Variants in EXT1 observed in about 807,000 individuals in gnomAD.
EXT1 encodes exostosin-1.
A neutral mutation model predicts 82.5 loss-of-function variants in EXT1; 20 were observed. That is an observed-to-expected ratio of 0.24 (90% CI 0.17 to 0.35). EXT1 has a LOEUF of 0.35. Ranked by LOEUF, EXT1 falls within the 10% of genes least tolerant of loss-of-function variation. The pLI, the probability that EXT1 is intolerant of heterozygous loss-of-function variation, is 1.00. For synonymous variants in EXT1, 348 were observed against 350.8 expected, an observed-to-expected ratio of 0.99 and a Z score of 0.09; for missense variants, 757 against 936.5, an observed-to-expected ratio of 0.81 and a Z score of 2.50.
intron 1 of EXT1, among the ~76,000 whole-genome samples, chr8:117,920,186 C>T (rs1398159125): frequency 6.6e-6 from 1 of 152,120 alleles, no homozygotes; most frequent in Non-Finnish European, 1.5e-5. Flanking sequence ...CTCACTGCAA[C>T]CTCCACCTCC....
intron 1 of EXT1, among the ~76,000 whole-genome samples, chr8:118,004,904 T>C (rs1272193712): frequency 6.6e-6 from 1 of 152,194 alleles, no homozygotes; most frequent in Non-Finnish European, 1.5e-5. Flanking sequence ...TTCACAATAA[T>C]ACTGAGAGCT....
At chr8:117,882,796 G>A (rs775490766) in intron 1 of EXT1, among the ~76,000 whole-genome samples, 7 of 151,738 alleles carry the variant, frequency 4.6e-5, no homozygotes, top group South Asian at 2.1e-4. Flanking sequence ...GGCCAACATG[G>A]TGAAACCCTG....
chr8:118,110,140 C>A lies in EXT1; in HGVS notation c.907G>T (p.Asp303Tyr). The change falls in exon 1 of 11, where the codon GAC (aspartate) becomes TAC (tyrosine). Residue 303 changes from aspartate (D) to tyrosine (Y), a missense_variant. This residue lies in a region of EXT1 where 247 missense variants were observed against 330.1 expected (regional missense o/e 0.75). Transcript: ENST00000378204. The stretch of plus-strand genomic sequence containing the variant: ...CGAGAATCCTTGTGCTTTTGCCAGT[C>A]TTTGCCATGCTTGCAGGTGGTGAGG... ...VLLTTCKHGKDWQKHKDSRCD... is the reference protein window; with the variant it reads ...VLLTTCKHGKYWQKHKDSRCD... 6.2e-7 allele frequency: 1 copy of A among 1,614,242 alleles called. No homozygotes were observed. The highest frequency in any genetic ancestry group is 1.1e-5 in the South Asian group (1 of 91,086).
intron 1 of EXT1, among the ~76,000 whole-genome samples, chr8:117,939,245 A>G (rs1274846226): frequency 6.6e-6 from 1 of 152,320 alleles, no homozygotes; most frequent in African/African-American, 2.4e-5. Context: ...CCTCACAGAC[A>G]ACCCTATGAA....
intron 1 of EXT1, among the ~76,000 whole-genome samples, chr8:118,082,198 C>T (rs1360815620): frequency 6.6e-6 from 1 of 152,112 alleles, no homozygotes; most frequent in Non-Finnish European, 1.5e-5. Context: ...GATACTATGC[C>T]AGGCCAAAAA....
chr8:118,075,028 C>T (rs771926070), intron 1 of EXT1, among the ~76,000 whole-genome samples: 3 of 152,170 alleles, frequency 2.0e-5, no homozygotes, highest in Admixed American at 6.5e-5. Context: ...AGTCAACAAG[C>T]GGGTTTTCAG....
intron 1 of EXT1, among the ~76,000 whole-genome samples, chr8:117,962,744 C>T (rs1420424496): frequency 6.7e-6 from 1 of 149,554 alleles, no homozygotes; most frequent in Non-Finnish European, 1.5e-5. Context: ...TGGGGAAAGA[C>T]TCCATCCCCC....
intron 1 of EXT1, among the ~76,000 whole-genome samples, chr8:118,078,798 G>A (rs1210205438): frequency 2.6e-5 from 4 of 151,992 alleles, no homozygotes; most frequent in Admixed American, 6.6e-5. Flanking sequence ...AGAGTGAGAC[G>A]TGCACATATG....
chr8:118,046,788 T>A (rs763580051), intron 1 of EXT1, among the ~76,000 whole-genome samples: 20 of 152,156 alleles, frequency 1.3e-4, no homozygotes, highest in Non-Finnish European at 1.5e-4. Flanking sequence ...AAAGGGGTAG[T>A]CCCTCCTCCA....
chr8:117,886,257 A>G (rs1040060287), intron 1 of EXT1, among the ~76,000 whole-genome samples: 1 of 152,234 alleles, frequency 6.6e-6, no homozygotes, highest in Non-Finnish European at 1.5e-5. Flanking sequence ...CAGGAATTAA[A>G]TCCTCTTTGA....
chr8:117,952,971 T>C (rs1814520310), intron 1 of EXT1, among the ~76,000 whole-genome samples: 1 of 152,208 alleles, frequency 6.6e-6, no homozygotes, highest in Non-Finnish European at 1.5e-5. Context: ...AATAGTAGAG[T>C]TAGAAAGCCA....
intron 1 of EXT1, among the ~76,000 whole-genome samples, chr8:117,925,916 A>G (rs1813944802): frequency 6.6e-6 from 1 of 152,054 alleles, no homozygotes; most frequent in Admixed American, 6.6e-5. Context: ...ATGAACAAAC[A>G]AAAAAACAAG....
chr8:118,034,185 TTC>T lies in EXT1; in HGVS notation c.962+75898_962+75899del, dbSNP rs139950498. ...TGATTCTTCATTTTTAAAGAGGTGA[TTC>T]TCTGTTAACTCTTGATACAGTTGCT... On this transcript the variant is annotated intron_variant, in intron 1 of 10. Coordinates refer to ENST00000378204, the MANE Select transcript of EXT1 (RefSeq NM_000127.3). Among the ~76,000 whole-genome samples, 306 of 152,312 alleles carry T rather than the reference TTC, an allele frequency of 2.0e-3. 5 individuals carry two copies. In the East Asian group the frequency reaches 0.028, roughly 14 times the overall value.
At chr8:117,800,752 T>G (rs1034815982) in intron 10 of EXT1, among the ~76,000 whole-genome samples, 1 of 152,166 alleles carries the variant, frequency 6.6e-6, no homozygotes, top group African/African-American at 2.4e-5. Flanking sequence ...TCTCGACAAA[T>G]AGAAAAGATG....
chr8:118,035,345 G>A (rs1816400367), intron 1 of EXT1, among the ~76,000 whole-genome samples: 1 of 152,138 alleles, frequency 6.6e-6, no homozygotes, highest in African/African-American at 2.4e-5. Flanking sequence ...GGAAGCCACT[G>A]TGCTTTCCAA....
intron 1 of EXT1, among the ~76,000 whole-genome samples, chr8:118,055,851 C>T (rs1432050632): frequency 1.3e-5 from 2 of 152,028 alleles, no homozygotes; most frequent in Admixed American, 6.6e-5. Flanking sequence ...AAATGATTAA[C>T]CCTCATTATG....
rs115886871 is a variant in EXT1, at chr8:117,990,951, T to A, written c.962+119134A>T. Among the ~76,000 whole-genome samples, 369 of 152,234 alleles carry A rather than the reference T, an allele frequency of 2.4e-3. 2 individuals carry two copies. The highest frequency in any genetic ancestry group is 8.2e-3 in the African/African-American group (341 of 41,526). ...GAGCCTATGCAGCCAGGTACTAGAC[T>A]TGCACTCTTTCTAATCTTCGTACCA... On this transcript the variant is annotated intron_variant, in intron 1 of 10. Transcript: ENST00000378204.
chr8:117,935,697 C>A (rs1481157728), intron 1 of EXT1, among the ~76,000 whole-genome samples: 2 of 151,998 alleles, frequency 1.3e-5, no homozygotes, highest in African/African-American at 2.4e-5. Flanking sequence ...CTTGTGGCAT[C>A]CAAACTCAAC....
chr8:118,107,660 C>T (rs770373536), intron 1 of EXT1, among the ~76,000 whole-genome samples: 1 of 152,148 alleles, frequency 6.6e-6, no homozygotes, highest in Non-Finnish European at 1.5e-5. Flanking sequence ...GCTCTGCTAG[C>T]GTATCTCCAA....
Sources: allele counts gnomAD v4.1 joint callset (sites outside exome capture counted in the v4.1 genomes callset), GRCh38; gene constraint gnomAD v4.1.1; regional missense constraint gnomAD v4.1.1; transcripts MANE v1.5; gene names NCBI Gene and HGNC (gene_info 2026-07-23, HGNC 2026-07-21).